The following RCAN2 variants were observed in gnomAD, a reference collection of about 807,000 sequenced individuals.
RCAN2 encodes calcipressin-2.
RCAN2 carries 9 observed loss-of-function variants against 23.6 expected under a neutral mutation model. The ratio of observed to expected loss-of-function variants is 0.38; its 90% CI spans 0.23 to 0.67. RCAN2 has a LOEUF of 0.67. Ranked by LOEUF, RCAN2 falls within the 30% of genes least tolerant of loss-of-function variation. The pLI is 0.51. For missense variants in RCAN2, 273 were observed against 302.3 expected, an observed-to-expected ratio of 0.90 and a Z score of 0.72; for synonymous variants, 109 against 115.7, an observed-to-expected ratio of 0.94 and a Z score of 0.37.
intron 2 of RCAN2, among the ~76,000 whole-genome samples, chr6:46,419,298 C>A (rs1766802546): frequency 6.6e-6 from 1 of 152,154 alleles, no homozygotes; most frequent in Non-Finnish European, 1.5e-5. Flanking sequence ...TAAGGCCCAA[C>A]AACCTTTTTT....
At chr6:46,430,381 G>A (rs1767160386) in intron 2 of RCAN2, among the ~76,000 whole-genome samples, 3 of 152,130 alleles carry the variant, frequency 2.0e-5, no homozygotes, top group Admixed American at 2.0e-4. Context: ...ATAATGGAAG[G>A]AGACCTGGTT....
chr6:46,379,414 G>A (rs975324400), intron 2 of RCAN2, among the ~76,000 whole-genome samples: 4 of 152,122 alleles, frequency 2.6e-5, no homozygotes, highest in Admixed American at 6.6e-5. Context: ...GGCAATGAAC[G>A]TCAACAGTCC....
At chr6:46,354,205 CTGTGTGTGTGTGTGTGTGTGTGTG>C (rs56237510) in intron 2 of RCAN2, among the ~76,000 whole-genome samples, 5 of 132,982 alleles carry the variant, frequency 3.8e-5, no homozygotes, top group Non-Finnish European at 6.4e-5. Flanking sequence ...TGTTATTTTA[CTGTGTGTGTGTGTGTGTGTGTGTG>C]TGTGTGTGTG....
intron 2 of RCAN2, among the ~76,000 whole-genome samples, chr6:46,444,599 A>G (rs1767646565): frequency 6.6e-6 from 1 of 152,006 alleles, no homozygotes; most frequent in Non-Finnish European, 1.5e-5. Context: ...CAACCCTGGC[A>G]TCAGTTACCA....
chr6:46,462,180 C>A (rs1768238501), intron 1 of RCAN2, among the ~76,000 whole-genome samples: 1 of 152,126 alleles, frequency 6.6e-6, no homozygotes, highest in African/African-American at 2.4e-5. Context: ...AGCAGCAGTG[C>A]AGCTTGAATA....
chr6:46,462,653 T>C (rs1174585051), intron 1 of RCAN2, among the ~76,000 whole-genome samples: 2 of 152,210 alleles, frequency 1.3e-5, no homozygotes, highest in Admixed American at 6.5e-5. Flanking sequence ...TAAATCTGGA[T>C]GTTAGAGACA....
intron 2 of RCAN2, among the ~76,000 whole-genome samples, chr6:46,435,262 G>C (rs73454946): frequency 0.033 from 5,069 of 152,202 alleles, 187 homozygotes; most frequent in African/African-American, 0.092. Flanking sequence ...AAAACATTAA[G>C]TGTAATAAAG....
Position 46,472,696 on chromosome 6 carries a change from A to G in RCAN2, c.-2-15718T>C, listed in dbSNP as rs184357418. Among the ~76,000 whole-genome samples, 367 of 152,320 alleles carry G rather than the reference A, an allele frequency of 2.4e-3. 1 individual carries two copies. The highest frequency in any genetic ancestry group is 0.013 in the South Asian group (63 of 4,822). ...GTTCACATTGTATCTCTAGAACTCA[A>G]CATTGTACCAAGTATCTAGTACAGA... On this transcript the variant is annotated intron_variant, in intron 1 of 4. Transcript: ENST00000371374.
intron 2 of RCAN2, among the ~76,000 whole-genome samples, chr6:46,441,992 T>C (rs1767560899): frequency 6.6e-6 from 1 of 152,200 alleles, no homozygotes; most frequent in African/African-American, 2.4e-5. Context: ...AGGCCTGCTG[T>C]GATGGTTACC....
chr6:46,417,061 T>C (rs545112065), intron 2 of RCAN2, among the ~76,000 whole-genome samples: 11 of 152,226 alleles, frequency 7.2e-5, no homozygotes, highest in Non-Finnish European at 1.6e-4. Flanking sequence ...GATGAATATG[T>C]TTGTTCCTAA....
chr6:46,268,298 C>T (rs1767408726), intron 2 of RCAN2, among the ~76,000 whole-genome samples: 1 of 152,152 alleles, frequency 6.6e-6, no homozygotes, highest in African/African-American at 2.4e-5. Flanking sequence ...TTGGTAACTC[C>T]ACAAAATTGA....
At chr6:46,439,548 A>T (rs1767469564) in intron 2 of RCAN2, among the ~76,000 whole-genome samples, 1 of 152,174 alleles carries the variant, frequency 6.6e-6, no homozygotes, top group South Asian at 2.1e-4. Context: ...CACTCAAGAT[A>T]TTGCAAAAAA....
At chr6:46,335,210 A>G (rs539728244) in intron 2 of RCAN2, among the ~76,000 whole-genome samples, 1 of 152,262 alleles carries the variant, frequency 6.6e-6, no homozygotes, top group South Asian at 2.1e-4. Context: ...CCTTTGAATT[A>G]AGTCAAATTA....
rs554772154 is a variant in RCAN2, at chr6:46,398,184, G to A, written c.225+58568C>T. ...AAATATATATGTATGCATAGGGAAA[G>A]AACAGATATTTAAATGTTAATGGTG... On this transcript the variant is annotated intron_variant, in intron 2 of 4. Coordinates refer to ENST00000371374, the MANE Select transcript of RCAN2 (RefSeq NM_001251974.2). Among the ~76,000 whole-genome samples the A allele has an allele frequency of 1.2e-3, 176 of 152,216 alleles. 1 individual carries two copies. The highest frequency in any genetic ancestry group is 3.4e-3 in the Middle Eastern group (1 of 294).
At chr6:46,325,414 G>A in intron 2 of RCAN2, 7 of 1,614,184 alleles carry the variant, frequency 4.3e-6, no homozygotes, top group Non-Finnish European at 5.9e-6. Context: ...GATTGGTAAA[G>A]ACCTCGACAT....
chr6:46,373,757 G>A (rs1368712038), intron 2 of RCAN2, among the ~76,000 whole-genome samples: 3 of 152,112 alleles, frequency 2.0e-5, no homozygotes, highest in Non-Finnish European at 4.4e-5. Flanking sequence ...AGAACTTTTT[G>A]ACTGAGACTT....
rs990712660 is a variant in RCAN2, at chr6:46,303,592, G to A, written c.226-54696C>T. ...ATCATTGTAACCCCTGCCCAGCTCC[G>A]GATTTAAAACGGTTCCAGTACCTTA... On this transcript the variant is annotated intron_variant, in intron 2 of 4. Coordinates refer to ENST00000371374, the MANE Select transcript of RCAN2 (RefSeq NM_001251974.2). 2.0e-4 allele frequency among the ~76,000 whole-genome samples: 30 copies of A among 152,004 alleles called. 1 individual carries two copies. Among genetic ancestry groups the A allele is most frequent in the South Asian group, 1.7e-3 (8 of 4,808 alleles).
intron 2 of RCAN2, among the ~76,000 whole-genome samples, chr6:46,370,485 CCAG>C (rs1469755605): frequency 6.6e-6 from 1 of 152,162 alleles, no homozygotes; most frequent in Non-Finnish European, 1.5e-5. Context: ...ATGGGAGTCA[CCAG>C]CAGATCAGTA....
chr6:46,283,072 G>A (rs1762257996), intron 2 of RCAN2, among the ~76,000 whole-genome samples: 1 of 152,176 alleles, frequency 6.6e-6, no homozygotes, highest in Non-Finnish European at 1.5e-5. Context: ...CTGAATGATG[G>A]AGAAATCCAG....
Sources: gnomAD v4.1 joint callset for allele counts (sites outside exome capture counted in the v4.1 genomes callset) on GRCh38, gnomAD v4.1.1 for gene constraint, MANE v1.5 for transcripts, NCBI Gene and HGNC (gene_info 2026-07-23, HGNC 2026-07-21) for gene names.